HHAT: variants seen among roughly 807,000 people sequenced by gnomAD.
HHAT encodes protein-cysteine N-palmitoyltransferase HHAT.
Under a neutral mutation model 70.8 loss-of-function variants are expected in HHAT, and 47 were observed. The ratio of observed to expected loss-of-function variants is 0.66; its 90% CI spans 0.53 to 0.85. The LOEUF is 0.85. Among genes scored for constraint, HHAT ranks in the 40% least tolerant of loss-of-function variants. The pLI is 0.00. For missense variants in HHAT, 609 were observed against 604.8 expected (o/e 1.01, Z -0.07); for synonymous variants, 228 against 247.6 (o/e 0.92, Z 0.74).
chr1:210,387,130 C>A (rs760590910), intron 3 of HHAT, among the ~76,000 whole-genome samples: 51 of 151,960 alleles, frequency 3.4e-4, no homozygotes, highest in Non-Finnish European at 5.3e-4. Context: ...TCATGTTTTG[C>A]AAAATGGAAA....
At chr1:210,597,020 G>T (rs1435033294) in intron 10 of HHAT, among the ~76,000 whole-genome samples, 3 of 152,152 alleles carry the variant, frequency 2.0e-5, no homozygotes, top group Non-Finnish European at 4.4e-5. Flanking sequence ...GTTTTCGGTT[G>T]CTCTAACTGT....
chr1:210,340,710 AT>A lies in HHAT; in HGVS notation c.-43-8216del, dbSNP rs546837574. Reference sequence around the variant, plus strand: ...TTTTGATTACATTTTATTGATTTAAATTTTTTTATCAGAGAGTGTCTAACGT... The same window carrying A: ...TTTTGATTACATTTTATTGATTTAAATTTTTTATCAGAGAGTGTCTAACGT... On this transcript the variant is annotated intron_variant, in intron 1 of 11. Transcript: ENST00000261458. Among the ~76,000 whole-genome samples the A allele has an allele frequency of 8.7e-4, 132 of 152,270 alleles. 3 individuals are homozygous for A. Among genetic ancestry groups the A allele is most frequent in the Admixed American group, 4.6e-4 (7 of 15,286 alleles).
In HHAT at chr1:210,335,235, C is replaced by T. The variant is rs375328346; in HGVS notation, c.-44+6131C>T. On this transcript the variant is annotated intron_variant, in intron 1 of 11. Transcript: ENST00000261458. Reference sequence around the variant, plus strand: ...GGAATGTAAACTTTGGCTAACACTACGAAAGTCAACAAATGCAATTTAACT... The same window carrying T: ...GGAATGTAAACTTTGGCTAACACTATGAAAGTCAACAAATGCAATTTAACT... Among the ~76,000 whole-genome samples the T allele has an allele frequency of 9.3e-5, 14 of 150,012 alleles. No individual in the cohort carries two copies. In the South Asian group the frequency reaches 1.5e-3, roughly 16 times the overall value.
At chr1:210,386,041 G>A (rs990181423) in intron 3 of HHAT, among the ~76,000 whole-genome samples, 8 of 151,944 alleles carry the variant, frequency 5.3e-5, no homozygotes, top group Admixed American at 1.3e-4. Flanking sequence ...AATTTTATAT[G>A]TATCTTACCT....
At chr1:210,639,722 G>T (rs769342041) in intron 11 of HHAT, among the ~76,000 whole-genome samples, 30 of 152,302 alleles carry the variant, frequency 2.0e-4, no homozygotes, top group South Asian at 1.0e-3. Context: ...GTGATTTCAA[G>T]GTTGACCTGG....
chr1:210,507,326 A>G (rs1414444983), intron 8 of HHAT, among the ~76,000 whole-genome samples: 1 of 149,948 alleles, frequency 6.7e-6, no homozygotes, highest in Admixed American at 6.6e-5. Context: ...TTCCATCTGT[A>G]TACAAAAACT....
At chr1:210,660,794 G>A (rs967665406) in intron 11 of HHAT, among the ~76,000 whole-genome samples, 1 of 152,066 alleles carries the variant, frequency 6.6e-6, no homozygotes, top group East Asian at 1.9e-4. Flanking sequence ...TGACAAACCC[G>A]ACAAAAACAA....
At chr1:210,587,867 T>C (rs1188167872) in intron 9 of HHAT, 31 bp from the exon 10 acceptor site, 1 of 1,577,062 alleles carries the variant, frequency 6.3e-7, no homozygotes, top group East Asian at 2.2e-5. Context: ...CAGCCCTCTG[T>C]ATGTCTCCTA....
chr1:210,413,132 C>T (rs1422473800), intron 6 of HHAT, among the ~76,000 whole-genome samples: 1 of 152,234 alleles, frequency 6.6e-6, no homozygotes, highest in East Asian at 1.9e-4. Flanking sequence ...TATAATGTTA[C>T]ATTACTTTTT....
intron 9 of HHAT, among the ~76,000 whole-genome samples, chr1:210,528,361 C>T (rs1320733535): frequency 2.0e-5 from 3 of 152,264 alleles, no homozygotes; most frequent in East Asian, 3.9e-4. Flanking sequence ...GTTCCGGGCG[C>T]TAAGAGTGAT....
At chr1:210,442,974 T>C (rs1025600954) in intron 7 of HHAT, among the ~76,000 whole-genome samples, 1 of 152,186 alleles carries the variant, frequency 6.6e-6, no homozygotes, top group East Asian at 1.9e-4. Context: ...CTAGGGTTTT[T>C]ATGGTTTTAG....
At chr1:210,592,879 C>CTTTT (rs35245794) in intron 10 of HHAT, among the ~76,000 whole-genome samples, 5 of 145,430 alleles carry the variant, frequency 3.4e-5, no homozygotes, top group Admixed American at 6.9e-5. Flanking sequence ...ACCAACTTTT[C>CTTTT]TTTTTTTTTT....
At chr1:210,628,238 C>T (rs1383120760) in intron 11 of HHAT, among the ~76,000 whole-genome samples, 9 of 151,898 alleles carry the variant, frequency 5.9e-5, no homozygotes, top group Non-Finnish European at 1.5e-5. Context: ...GGGTGGAGAG[C>T]CTTATAATGT....
intron 7 of HHAT, among the ~76,000 whole-genome samples, chr1:210,456,079 C>T (rs2093860525): frequency 6.6e-6 from 1 of 152,146 alleles, no homozygotes; most frequent in Non-Finnish European, 1.5e-5. Context: ...TGGCTGCTGT[C>T]CCTCCAGGCC....
At chr1:210,455,498 T>C (rs1310245077) in intron 7 of HHAT, among the ~76,000 whole-genome samples, 1 of 152,170 alleles carries the variant, frequency 6.6e-6, no homozygotes, top group East Asian at 1.9e-4. Flanking sequence ...AACAACTCCC[T>C]GGTCAGCTTC....
chr1:210,574,116 A>AG (rs1487827027), intron 9 of HHAT, among the ~76,000 whole-genome samples: 3 of 152,236 alleles, frequency 2.0e-5, no homozygotes, highest in Non-Finnish European at 4.4e-5. Flanking sequence ...GAAGTACTAA[A>AG]GAGCAGCATA....
At chr1:210,358,228 A>G (rs17759116) in intron 2 of HHAT, among the ~76,000 whole-genome samples, 9,604 of 152,274 alleles carry the variant, frequency 0.063, 362 homozygotes, top group South Asian at 0.099. Context: ...TTTCCATTTC[A>G]GTCCAGGGTG....
chr1:210,483,105 T>A (rs144300012), intron 8 of HHAT, among the ~76,000 whole-genome samples: 343 of 152,318 alleles, frequency 2.3e-3, no homozygotes, highest in Non-Finnish European at 3.5e-3. Flanking sequence ...CACCAGTAAA[T>A]GTAACTAATG....
intron 9 of HHAT, among the ~76,000 whole-genome samples, chr1:210,522,492 A>AGG (rs1246360882): frequency 6.6e-6 from 1 of 152,148 alleles, no homozygotes; most frequent in South Asian, 2.1e-4. Context: ...GGTGCTGGAG[A>AGG]GAAGTCCACT....
Sources: gnomAD v4.1 joint callset for allele counts (sites outside exome capture counted in the v4.1 genomes callset) on GRCh38, gnomAD v4.1.1 for gene constraint, MANE v1.5 for transcripts, NCBI Gene and HGNC (gene_info 2026-07-23, HGNC 2026-07-21) for gene names.